Variants in ANK3 observed in about 807,000 individuals in gnomAD.
ANK3 encodes ankyrin-3.
In ANK3, 57 loss-of-function variants were observed where a neutral mutation model predicts 370.9. That is an observed-to-expected ratio of 0.15 (90% CI 0.12 to 0.19). ANK3 has a LOEUF of 0.19. Among genes scored for constraint, ANK3 ranks in the 10% least tolerant of loss-of-function variants. ANK3 has a pLI of 1.00. For synonymous variants in ANK3, 1,929 were observed against 1,946.3 expected, an observed-to-expected ratio of 0.99 and a Z score of 0.23; for missense variants, 4,439 against 5,302.1, an observed-to-expected ratio of 0.84 and a Z score of 5.06.
chr10:60,633,475 C>G (rs1307164150), intron 1 of ANK3, among the ~76,000 whole-genome samples: 1 of 151,848 alleles, frequency 6.6e-6, no homozygotes, highest in Non-Finnish European at 1.5e-5. Context: ...TTTATTGATA[C>G]AAAGGAAATA....
At chr10:60,452,623 T>A (rs1210415503) in intron 2 of ANK3, among the ~76,000 whole-genome samples, 4 of 152,248 alleles carry the variant, frequency 2.6e-5, no homozygotes, top group Non-Finnish European at 5.9e-5. Context: ...TCTTCTCATA[T>A]GAAGAGCTTC....
At chr10:60,548,768 C>T (rs1386118680) in intron 2 of ANK3, among the ~76,000 whole-genome samples, 2 of 151,880 alleles carry the variant, frequency 1.3e-5, no homozygotes, top group Admixed American at 1.3e-4. Context: ...TGGTTATAAA[C>T]CATAGAAAAA....
rs1237500146 is a variant in ANK3, at chr10:60,213,297, T to TA, written c.996+114dup. 2.9e-5 allele frequency: 20 copies of TA among 680,446 alleles called. No individual in the cohort carries two copies. In the African/African-American group the frequency reaches 3.0e-4, roughly 10 times the overall value. 42.2% of individuals were successfully genotyped at this position (680,446 alleles called of 1,614,324 possible). A position where few individuals can be genotyped will look rare whatever the true frequency, so the allele number is the denominator to read the frequency against. On this transcript the variant is annotated intron_variant, in intron 9 of 43. Coordinates refer to ENST00000280772, the MANE Select transcript of ANK3 (RefSeq NM_020987.5). ...AGGTTCTATAAAGATCTGGTGAACA[T>TA]AACTACTCTGACTGCTACATTGAAA...
Position 60,084,839 on chromosome 10 carries a change from A to C in ANK3, c.3846-9T>G. 6.6e-7 allele frequency: 1 copy of C among 1,514,436 alleles called. No individual in the cohort carries two copies. The highest frequency in any genetic ancestry group is 8.8e-7 in the Non-Finnish European group (1 of 1,134,508). 93.8% of individuals were successfully genotyped at this position (1,514,436 alleles called of 1,614,324 possible). A position where few individuals can be genotyped will look rare whatever the true frequency, so the allele number is the denominator to read the frequency against. On this transcript the variant is annotated splice_polypyrimidine_tract_variant and intron_variant, in intron 31 of 43. Coordinates refer to ENST00000280772, the MANE Select transcript of ANK3 (RefSeq NM_020987.5). ...AGTCTGCAAGCCAAAATCTGAGCAA[A>C]ACAAAAAACAGAAGTATGAAAATGT...
chr10:60,654,375 C>T (rs767405582), intron 1 of ANK3, among the ~76,000 whole-genome samples: 2 of 152,054 alleles, frequency 1.3e-5, no homozygotes, highest in Non-Finnish European at 2.9e-5. Flanking sequence ...GCCTTCTGCC[C>T]AGTGTTAAGG....
chr10:60,234,913 G>C lies in ANK3; in HGVS notation c.799-127C>G, dbSNP rs756220316. The C allele has an allele frequency of 5.8e-5, 36 of 620,622 alleles. 1 individual carries two copies. In the Middle Eastern group the frequency reaches 5.5e-3, roughly 95 times the overall value. 38.4% of individuals were successfully genotyped at this position (620,622 alleles called of 1,614,324 possible). A position where few individuals can be genotyped will look rare whatever the true frequency, so the allele number is the denominator to read the frequency against. ...TCTAAACATCCTTTATGAACAGTGT[G>C]CTTCCTAATACTTCTGACAGGAATT... On this transcript the variant is annotated intron_variant, in intron 7 of 43. Coordinates refer to ENST00000280772, the MANE Select transcript of ANK3 (RefSeq NM_020987.5).
intron 2 of ANK3, among the ~76,000 whole-genome samples, chr10:60,578,860 T>C (rs1214762940): frequency 4.6e-5 from 7 of 152,226 alleles, no homozygotes; most frequent in African/African-American, 1.4e-4. Context: ...TGATATTTCC[T>C]AGTATCTTAA....
At chr10:60,530,970 T>C (rs924324142) in intron 2 of ANK3, among the ~76,000 whole-genome samples, 2 of 152,150 alleles carry the variant, frequency 1.3e-5, no homozygotes, top group African/African-American at 4.8e-5. Flanking sequence ...TTTAATACAT[T>C]AATGGTAATT....
chr10:60,281,724 T>TAGC (rs200280245), intron 1 of ANK3, among the ~76,000 whole-genome samples: 1,575 of 152,306 alleles, frequency 0.01, 43 homozygotes, highest in African/African-American at 0.037. Flanking sequence ...GAGGCTTTAT[T>TAGC]AGCAGCAGCA....
chr10:60,238,195 A>G (rs1334814986), intron 7 of ANK3, among the ~76,000 whole-genome samples: 1 of 152,172 alleles, frequency 6.6e-6, no homozygotes, highest in African/African-American at 2.4e-5. Context: ...ATAAAAATGT[A>G]TCATGCCCTA....
Position 60,173,171 on chromosome 10 carries a change from G to A in ANK3, c.2200C>T (p.Leu734=), listed in dbSNP as rs144696256. The A allele has an allele frequency of 2.1e-4, 333 of 1,613,012 alleles. 2 individuals are homozygous for A. The African/African-American group carries it at 3.9e-3, about 19-fold the overall frequency. Reference sequence around the variant, plus strand: ...TTTCCATAGTGGCAGCCCACATGCAGTGGTGTGTATCCCATCTGTAATTAT... The same window carrying A: ...TTTCCATAGTGGCAGCCCACATGCAATGGTGTGTATCCCATCTGTAATTAT... The part of the protein sequence containing the change: ...DAQTKMGYTP[L]HVGCHYGNIK... The change falls in exon 19 of 44, where the codon CTG becomes TTG. Residue 734 remains leucine (L), a synonymous_variant. Transcript: ENST00000280772.
At chr10:60,594,769 C>A (rs1040664682) in intron 2 of ANK3, among the ~76,000 whole-genome samples, 1 of 152,008 alleles carries the variant, frequency 6.6e-6, no homozygotes, top group Non-Finnish European at 1.5e-5. Context: ...CCTTTGTGAA[C>A]TATTGCTATG....
At chr10:60,202,502 T>C (rs1014253178) in intron 12 of ANK3, among the ~76,000 whole-genome samples, 5 of 152,210 alleles carry the variant, frequency 3.3e-5, no homozygotes, top group African/African-American at 1.2e-4. Context: ...GTCCTAACAA[T>C]TTGTGGCCAA....
At chr10:60,587,958 C>G (rs559900475) in intron 2 of ANK3, among the ~76,000 whole-genome samples, 2 of 151,980 alleles carry the variant, frequency 1.3e-5, no homozygotes, top group African/African-American at 2.4e-5. Context: ...CTGCTAAACC[C>G]ATTAGCTGAA....
chr10:60,082,109 T>A, intron 35 of ANK3, 41 bp downstream of exon 35: 2 of 1,534,650 alleles, frequency 1.3e-6, no homozygotes, highest in Non-Finnish European at 1.8e-6. Flanking sequence ...TCAATTTCTA[T>A]TCTACTTCTG....
intron 2 of ANK3, among the ~76,000 whole-genome samples, chr10:60,539,171 C>T (rs2076790350): frequency 6.6e-6 from 1 of 151,820 alleles, no homozygotes; most frequent in African/African-American, 2.4e-5. Context: ...TGAAATGTCA[C>T]AATTATGTCG....
intron 1 of ANK3, among the ~76,000 whole-genome samples, chr10:60,728,082 T>C (rs1038709426): frequency 1.3e-5 from 2 of 152,140 alleles, no homozygotes; most frequent in Admixed American, 1.3e-4. Flanking sequence ...ATAGTAAAGG[T>C]AGGAATCAGC....
intron 1 of ANK3, among the ~76,000 whole-genome samples, chr10:60,328,959 G>A (rs2050557164): frequency 6.6e-6 from 1 of 152,062 alleles, no homozygotes; most frequent in African/African-American, 2.4e-5. Flanking sequence ...TTCATCCCTG[G>A]GATGCAAGGC....
At chr10:60,068,490 T>C (rs934595643) in intron 37 of ANK3, 147 bp downstream of exon 37, 1 of 836,818 alleles carries the variant, frequency 1.2e-6, no homozygotes, top group Non-Finnish European at 1.9e-6. Context: ...GACAATGACA[T>C]AATGAGAAAC....
Sources: gnomAD v4.1 joint callset for allele counts (sites outside exome capture counted in the v4.1 genomes callset) on GRCh38, gnomAD v4.1.1 for gene constraint, MANE v1.5 for transcripts, NCBI Gene and HGNC (gene_info 2026-07-23, HGNC 2026-07-21) for gene names.